MAD2L2: variants seen among roughly 807,000 people sequenced by gnomAD.
MAD2L2 encodes mitotic arrest deficient 2 like 2.
A neutral mutation model predicts 30.5 loss-of-function variants in MAD2L2; 17 were observed. The ratio of observed to expected loss-of-function variants is 0.56; its 90% CI spans 0.38 to 0.84. The LOEUF (loss-of-function observed/expected upper bound fraction) is 0.84. MAD2L2 is among the 40% of genes least tolerant of loss of function. The pLI, the probability that MAD2L2 is intolerant of heterozygous loss-of-function variation, is 0.00. For synonymous variants in MAD2L2, 101 were observed against 113.9 expected (o/e 0.89, Z 0.72); for missense variants, 213 against 277.4 (o/e 0.77, Z 1.65).
chr1:11,680,604 T>G lies in MAD2L2; in HGVS notation c.-3A>C. ...TCTTGTCGTGTGAGCGTGGTCATCC[T>G]TCCCGCTACCTGAGTGTTGGGGCAA... On this transcript the variant is annotated 5_prime_UTR_variant, in exon 2 of 9. Coordinates refer to ENST00000376692, the MANE Select transcript of MAD2L2 (RefSeq NM_006341.4). 1 of 1,565,954 alleles carries G rather than the reference T, an allele frequency of 6.4e-7. No individual in the cohort carries two copies. The highest frequency in any genetic ancestry group is 8.7e-7 in the Non-Finnish European group (1 of 1,152,762).
At position 11,674,994 on chromosome 1, in the gene MAD2L2, CGCAAGCCCTCTA is replaced by C. The variant is rs2100705035; in HGVS notation, c.594+76_594+87del. ...CACCAGGCACTCCCCCGTTCTCTCC[CGCAAGCCCTCTA>C]GTAAGGCCTCAGCACCGGGCCTCAC... is the stretch of plus-strand genomic sequence containing the variant. On this transcript the variant is annotated intron_variant, in intron 8 of 8. Coordinates refer to ENST00000376692, the MANE Select transcript of MAD2L2 (RefSeq NM_006341.4). The surrounding 1 kb of genome is among the most constrained non-coding windows in gnomAD (Gnocchi z 6.1). 7.6e-7 allele frequency: 1 copy of C among 1,320,514 alleles called. No homozygotes were observed. The allele number at this position is 1,320,514 out of a possible 1,614,324, so 81.8% of individuals were successfully genotyped here. A position where few individuals can be genotyped will look rare whatever the true frequency, so the allele number is the denominator to read the frequency against.
Position 11,679,993 on chromosome 1 carries a change from T to TG in MAD2L2, c.159+359_159+360insC, listed in dbSNP as rs1640841513. ...GGCCCGAAGTGGAAGAGGTTTTTTT[T>TG]TTTTTTTTTTTTTTTTTTTGAGACG... On this transcript the variant is annotated intron_variant, in intron 3 of 8. Coordinates refer to ENST00000376692, the MANE Select transcript of MAD2L2 (RefSeq NM_006341.4). Among the ~76,000 whole-genome samples, 4 of 85,558 alleles carry TG rather than the reference T, an allele frequency of 4.7e-5. No homozygotes were observed. The East Asian group carries it at 1.3e-3, about 29-fold the overall frequency. 56.1% of individuals were successfully genotyped at this position (85,558 alleles called of 152,430 possible). A position where few individuals can be genotyped will look rare whatever the true frequency, so the allele number is the denominator to read the frequency against.
In MAD2L2 at chr1:11,680,847, G is replaced by A. The variant is rs1029281289; in HGVS notation, c.-13+192C>T. On this transcript the variant is annotated intron_variant, in intron 1 of 8. Transcript: ENST00000376692. Reference sequence around the variant, plus strand: ...GCCCCCTCGCCCCGCTGTCTCGCGGGGTGGAAAGACCACAGCTGTGCCCCC... The same window carrying A: ...GCCCCCTCGCCCCGCTGTCTCGCGGAGTGGAAAGACCACAGCTGTGCCCCC... The A allele has an allele frequency of 1.1e-5, 13 of 1,209,586 alleles. No individual in the cohort carries two copies. The African/African-American group carries it at 2.0e-4, about 19-fold the overall frequency. The allele number at this position is 1,209,586 out of a possible 1,614,324, so 74.9% of individuals were successfully genotyped here. A position where few individuals can be genotyped will look rare whatever the true frequency, so the allele number is the denominator to read the frequency against.
intron 1 of MAD2L2, 176 bp from the exon 2 acceptor site, chr1:11,680,789 G>A: frequency 2.2e-6 from 3 of 1,343,570 alleles, no homozygotes; most frequent in Non-Finnish European, 2.9e-6. Context: ...GTCCGTGCTT[G>A]GGGGCATCAG....
At position 11,687,312 on chromosome 1, in the gene MAD2L2, T is replaced by C. The variant is rs115011259; in HGVS notation, c.-692+4101A>G. On this transcript the variant is annotated intron_variant, in intron 1 of 10. Transcript: ENST00000235310. The surrounding 1 kb of genome is among the most constrained non-coding windows in gnomAD (Gnocchi z 4.1). ...TGGAGGGCGGTGGTGCAATCTCGGCTCAATGAAATCTCTGCCTCCCCGATT... is the reference window on the plus strand; with the variant it reads ...TGGAGGGCGGTGGTGCAATCTCGGCCCAATGAAATCTCTGCCTCCCCGATT... 0.013 allele frequency among the ~76,000 whole-genome samples: 2,000 copies of C among 152,308 alleles called. 44 individuals carry two copies. The highest frequency in any genetic ancestry group is 0.044 in the African/African-American group (1,849 of 41,570).
chr1:11,675,805 T>C lies in MAD2L2; in HGVS notation c.428-74A>G, dbSNP rs2233023. The C allele has an allele frequency of 0.011, 13,622 of 1,285,788 alleles. 1,074 individuals are homozygous for C. In the African/African-American group the frequency reaches 0.17, roughly 16 times the overall value. The allele number at this position is 1,285,788 out of a possible 1,614,324, so 79.6% of individuals were successfully genotyped here. On this transcript the variant is annotated intron_variant, in intron 6 of 8. Transcript: ENST00000376692. ...GCCACTGGGCCCAGCCTCTTCCCAC[T>C]TCCCTTGCTGGCTCAGCAGCACCCC...
intron 1 of MAD2L2, among the ~76,000 whole-genome samples, chr1:11,686,804 CT>C (rs1282125114): frequency 2.9e-4 from 28 of 98,126 alleles, no homozygotes; most frequent in Middle Eastern, 5.2e-3. Context: ...TCAACTGCCA[CT>C]TTAAAAAAAA....
In MAD2L2 at chr1:11,690,710, G is replaced by C. The variant is rs1042434153; in HGVS notation, c.-692+703C>G. The stretch of plus-strand genomic sequence containing the variant: ...TGGGAGTCCGGCCCCATCGCTCTTT[G>C]ATCTTTGCAGCGTCCGTGGCCCCAC... On this transcript the variant is annotated intron_variant, in intron 1 of 10. Coordinates refer to the MAD2L2 transcript ENST00000235310. This position sits in a 1 kb window ranked among gnomAD's most constrained non-coding sequence, Gnocchi z 4.2. Among the ~76,000 whole-genome samples the C allele has an allele frequency of 6.6e-6, 1 of 152,170 alleles. No individual in the cohort carries two copies. The highest frequency in any genetic ancestry group is 1.5e-5 in the Non-Finnish European group (1 of 68,022).
At chr1:11,681,269 G>A (rs1319638399), upstream of MAD2L2, 7 of 152,304 alleles carry the variant, frequency 4.6e-5, no homozygotes, top group African/African-American at 1.7e-4. Context: ...GTCTCCGAGG[G>A]GCGGGGGCCG....
upstream of MAD2L2, among the ~76,000 whole-genome samples, chr1:11,682,389 A>T (rs1640892922): frequency 6.6e-6 from 1 of 152,174 alleles, no homozygotes; most frequent in Admixed American, 6.5e-5. Flanking sequence ...GTCTGTTTGG[A>T]CACAGATCTA....
Position 11,674,532 on chromosome 1 carries a change from G to A in MAD2L2, c.*243C>T. 1.9e-6 allele frequency: 1 copy of A among 521,868 alleles called. No homozygotes were observed. Among genetic ancestry groups the A allele is most frequent in the Non-Finnish European group, 3.5e-6 (1 of 287,846 alleles). 32.3% of individuals were successfully genotyped at this position (521,868 alleles called of 1,614,324 possible). On this transcript the variant is annotated 3_prime_UTR_variant, in exon 9 of 9. Transcript: ENST00000376692. The surrounding 1 kb of genome is among the most constrained non-coding windows in gnomAD (Gnocchi z 6.1). ...TGAAACAACTCACAGCACAGTATTT[G>A]AGACAGACAGTGTTGGCCGGCGGAA...
chr1:11,676,462 A>G (rs2100707381), intron 5 of MAD2L2, among the ~76,000 whole-genome samples: 1 of 152,264 alleles, frequency 6.6e-6, no homozygotes, highest in South Asian at 2.1e-4. Context: ...AGGAGGGGAA[A>G]GGGCTTGCCT....
rs1557682584 is a variant in MAD2L2 at position 11,687,262 on chromosome 1, CG to C, written c.-692+4150del. Among the ~76,000 whole-genome samples, 1 of 151,982 alleles carries C rather than the reference CG, an allele frequency of 6.6e-6. No individual in the cohort carries two copies. The highest frequency in any genetic ancestry group is 1.5e-5 in the Non-Finnish European group (1 of 67,992). On this transcript the variant is annotated intron_variant, in intron 1 of 10. Coordinates refer to the MAD2L2 transcript ENST00000235310. This position sits in a 1 kb window ranked among gnomAD's most constrained non-coding sequence, Gnocchi z 4.1. ...TATTTCATTTATTTCTTTTTTGAGA[CG>C]GAGTCTCTCTCTGCCACCCAGGCTG...
At chr1:11,679,667 C>T (rs1375954572) in intron 3 of MAD2L2, among the ~76,000 whole-genome samples, 2 of 152,146 alleles carry the variant, frequency 1.3e-5, no homozygotes. Flanking sequence ...ACTGGGATTA[C>T]AGGCGCGTAC....
rs2233012 is a variant in MAD2L2 at position 11,680,682 on chromosome 1, C to A, written c.-12-69G>T. 9.4e-5 allele frequency: 141 copies of A among 1,499,228 alleles called. No homozygotes were observed. The East Asian group carries it at 2.1e-3, about 22-fold the overall frequency. The allele number at this position is 1,499,228 out of a possible 1,614,324, so 92.9% of individuals were successfully genotyped here. ...GAGCCCAGAACCCGCTCGCTTCCAC[C>A]GTCTCTTCCCTCCCCACAGTCTGTG... On this transcript the variant is annotated intron_variant, in intron 1 of 8. Transcript: ENST00000376692.
chr1:11,674,697 C>A lies in MAD2L2; in HGVS notation c.*78G>T. On this transcript the variant is annotated 3_prime_UTR_variant, in exon 9 of 9. Transcript: ENST00000376692. The surrounding 1 kb of genome is among the most constrained non-coding windows in gnomAD (Gnocchi z 6.1). ...GCGATAAGAGCACTTGGAATCAGGG[C>A]AGCCATGCAGCACTGCCCTAGGCGG... 1.4e-6 allele frequency: 2 copies of A among 1,453,466 alleles called. No homozygotes were observed. Among genetic ancestry groups the A allele is most frequent in the Non-Finnish European group, 9.6e-7 (1 of 1,039,700 alleles). The allele number at this position is 1,453,466 out of a possible 1,614,324, so 90.0% of individuals were successfully genotyped here.
At chr1:11,675,846 A>G in intron 6 of MAD2L2, 115 bp from the exon 7 acceptor site, 1 of 985,116 alleles carries the variant, frequency 1.0e-6, no homozygotes, top group Non-Finnish European at 1.6e-6. Flanking sequence ...CAGATGGCAA[A>G]GCAAGTGCTA....
At chr1:11,676,766 C>G in intron 5 of MAD2L2, 82 bp downstream of exon 5, 1 of 1,108,418 alleles carries the variant, frequency 9.0e-7, no homozygotes, top group South Asian at 1.3e-5. Context: ...CCAAGGTATT[C>G]AAGGGCCGCC....
At chr1:11,680,512 C>A in intron 2 of MAD2L2, 41 bp from the exon 3 acceptor site, 2 of 1,611,106 alleles carry the variant, frequency 1.2e-6, no homozygotes. Flanking sequence ...CGAGGAAGCC[C>A]GCCGGCCCAG....
Sources: gnomAD v4.1 joint callset for allele counts (sites outside exome capture counted in the v4.1 genomes callset) on GRCh38, gnomAD v4.1.1 for gene constraint, Gnocchi (gnomAD v3.1) non-coding constraint, MANE v1.5 for transcripts, NCBI Gene and HGNC (gene_info 2026-07-23, HGNC 2026-07-21) for gene names.